Variants in EHMT1 observed in about 807,000 individuals in gnomAD.
The protein encoded by EHMT1 is histone-lysine N-methyltransferase EHMT1.
A neutral mutation model predicts 147.2 loss-of-function variants in EHMT1; 15 were observed. The observed-to-expected ratio is 0.10, with a 90% confidence interval of 0.07 to 0.16. EHMT1 has a LOEUF of 0.16. EHMT1 is among the 10% of genes least tolerant of loss of function. The pLI is 1.00. For missense variants in EHMT1, 1,587 were observed against 1,772.4 expected (o/e 0.90, Z 1.88); for synonymous variants, 795 against 709.6 (o/e 1.12, Z -1.91).
chr9:137,625,336 A>AT lies in EHMT1; in HGVS notation c.21+6289dup, dbSNP rs532746511. ...GCCTAAGTAGCTGTGAAATCTGAAG[A>AT]TTGACACCCTTTCATTATAGGAGGT... is the stretch of plus-strand genomic sequence containing the variant. On this transcript the variant is annotated intron_variant, in intron 1 of 26. Transcript: ENST00000460843. Among the ~76,000 whole-genome samples, 56 of 152,198 alleles carry AT rather than the reference A, an allele frequency of 3.7e-4. No homozygotes were observed. The East Asian group carries it at 9.1e-3, about 25-fold the overall frequency.
At position 137,828,628 on chromosome 9, in the gene EHMT1, C is replaced by T. The variant is rs1955985381; in HGVS notation, c.3541-5721C>T. Among the ~76,000 whole-genome samples the T allele has an allele frequency of 6.6e-6, 1 of 152,170 alleles. No individual in the cohort carries two copies. Among genetic ancestry groups the T allele is most frequent in the African/African-American group, 2.4e-5 (1 of 41,430 alleles). On this transcript the variant is annotated intron_variant, in intron 25 of 26. Coordinates refer to ENST00000460843, the MANE Select transcript of EHMT1 (RefSeq NM_024757.5). The surrounding 1 kb of genome is among the most constrained non-coding windows in gnomAD (Gnocchi z 5.3). Reference sequence around the variant, plus strand: ...GTCTCCCGGGCAGCCACAGATCCCACACTCACGGCCCAAGTGACGCTTGGT... The same window carrying T: ...GTCTCCCGGGCAGCCACAGATCCCATACTCACGGCCCAAGTGACGCTTGGT...
rs777993644 is a variant in EHMT1 at position 137,834,533 on chromosome 9, C to T, written c.3716+9C>T. 3.0e-5 allele frequency: 48 copies of T among 1,608,984 alleles called. 2 individuals are homozygous for T. Among genetic ancestry groups the T allele is most frequent in the South Asian group, 6.6e-5 (6 of 91,030 alleles). Reference sequence around the variant, plus strand: ...GCCGGCGAGCAGCTCGGGTACGCACCGCCCCGGCCCCTGGCCATCTCCGCT... The same window carrying T: ...GCCGGCGAGCAGCTCGGGTACGCACTGCCCCGGCCCCTGGCCATCTCCGCT... On this transcript the variant is annotated intron_variant, in intron 26 of 26. Transcript: ENST00000460843.
At chr9:137,770,458 T>C (rs1182656574) in intron 10 of EHMT1, among the ~76,000 whole-genome samples, 1 of 152,256 alleles carries the variant, frequency 6.6e-6, no homozygotes, top group Non-Finnish European at 1.5e-5. Flanking sequence ...TTCTCTCTCT[T>C]GACAGTGGGT....
chr9:137,721,481 C>A (rs1398942594), intron 3 of EHMT1, among the ~76,000 whole-genome samples: 18 of 70,456 alleles, frequency 2.6e-4, no homozygotes, highest in South Asian at 7.3e-4. Context: ...TCACCCTCTC[C>A]CACGCCTCTC....
chr9:137,654,399 A>G (rs1370403578), intron 1 of EHMT1, among the ~76,000 whole-genome samples: 1 of 142,512 alleles, frequency 7.0e-6, no homozygotes, highest in East Asian at 2.3e-4. Flanking sequence ...CACCAAAAAA[A>G]AAAGAGAAAA....
intron 1 of EHMT1, among the ~76,000 whole-genome samples, chr9:137,651,430 G>A (rs748639716): frequency 6.6e-5 from 10 of 152,048 alleles, no homozygotes; most frequent in Non-Finnish European, 1.5e-4. Context: ...ATAGTCACAG[G>A]CCACATAATG....
chr9:137,752,221 C>T (rs763737811), intron 6 of EHMT1, 110 bp from the exon 7 acceptor site: 95 of 1,305,090 alleles, frequency 7.3e-5, no homozygotes, highest in Admixed American at 7.3e-4. Context: ...CCGGCGTGTG[C>T]GGCCAGTGCC....
chr9:137,716,811 A>C lies in EHMT1; in HGVS notation c.271A>C (p.Ile91Leu). 2 of 1,613,330 alleles carry C rather than the reference A, an allele frequency of 1.2e-6. No homozygotes were observed. Among genetic ancestry groups the C allele is most frequent in the African/African-American group, 2.7e-5 (2 of 74,998 alleles). Residue 91 changes from isoleucine to leucine, a missense_variant, in exon 3 of 27, where the codon ATA becomes CTA. Physicochemically the swap from Ile to Leu is conservative, Grantham distance 5. Transcript: ENST00000460843. ...GGATGGCACCAACACACTAACTCGGATAGCGGAAAATGGGGTTTCAGAAAG... is the reference window on the plus strand; with the variant it reads ...GGATGGCACCAACACACTAACTCGGCTAGCGGAAAATGGGGTTTCAGAAAG... ...PQDGTNTLTR[I>L]AENGVSERDS... is the part of the protein sequence containing the mutation.
At chr9:137,672,264 G>A (rs916495093) in intron 1 of EHMT1, among the ~76,000 whole-genome samples, 5 of 152,100 alleles carry the variant, frequency 3.3e-5, no homozygotes, top group Non-Finnish European at 5.9e-5. Flanking sequence ...TTATGTTAAC[G>A]CGTAGTAGGT....
intron 1 of EHMT1, chr9:137,641,072 C>T (rs905079389): frequency 4.4e-5 from 11 of 249,286 alleles, no homozygotes; most frequent in African/African-American, 2.5e-4. Context: ...TTCGTCTTCT[C>T]CTTCTTTATC....
At chr9:137,810,192 C>T (rs1331653003) in intron 18 of EHMT1, among the ~76,000 whole-genome samples, 118 of 123,868 alleles carry the variant, frequency 9.5e-4, no homozygotes, top group African/African-American at 2.6e-3. Flanking sequence ...GATGCCGCCC[C>T]GTGTGGACCG....
Position 137,775,177 on chromosome 9 carries a change from C to T in EHMT1, c.1716C>T (p.Leu572=), listed in dbSNP as rs775845365. 6.8e-6 allele frequency: 11 copies of T among 1,613,906 alleles called. No individual in the cohort carries two copies. The highest frequency in any genetic ancestry group is 1.3e-5 in the African/African-American group (1 of 75,020). The change falls in exon 11 of 27, where the codon CTC becomes CTT. Residue 572 remains leucine (L), a synonymous_variant. Transcript: ENST00000460843. This position sits in a 1 kb window ranked among gnomAD's most constrained non-coding sequence, Gnocchi z 6.1. ...LMRPSNKAPL[L]VLCEDHRGRM... ...GCCCCTCCAACAAGGCCCCGCTCCT[C>T]GTGCTGTGTGAAGACCACCGGGGCC...
intron 14 of EHMT1, among the ~76,000 whole-genome samples, chr9:137,780,521 GGATGTGTGGTGATGACGCTGA>G: frequency 8.8e-6 from 1 of 114,208 alleles, no homozygotes; most frequent in East Asian, 2.9e-4. Context: ...GATGACGCTG[GGATGTGTGGTGATGACGCTGA>G]GATGTGTGGT....
chr9:137,823,415 A>ATTT, intron 25 of EHMT1: 3 of 327,358 alleles, frequency 9.2e-6, no homozygotes, highest in Admixed American at 3.6e-5. Flanking sequence ...CGCCTGGGTA[A>ATTT]TTTTTTTTTT....
chr9:137,726,214 C>T (rs529844550), intron 3 of EHMT1, among the ~76,000 whole-genome samples: 9 of 152,310 alleles, frequency 5.9e-5, no homozygotes, highest in African/African-American at 1.2e-4. Context: ...CGCCACCCTC[C>T]GTCTCTGGAA....
intron 2 of EHMT1, among the ~76,000 whole-genome samples, chr9:137,711,960 C>G (rs900921654): frequency 1.3e-5 from 2 of 152,174 alleles, no homozygotes; most frequent in Non-Finnish European, 2.9e-5. Context: ...CTCCTTTCAC[C>G]CTAGATGGCC....
chr9:137,697,267 T>A (rs1209884618), intron 1 of EHMT1: 1 of 216,788 alleles, frequency 4.6e-6, no homozygotes, highest in Non-Finnish European at 9.9e-6. Flanking sequence ...GATGACAGAG[T>A]TTGTCTGTTT....
intron 4 of EHMT1, among the ~76,000 whole-genome samples, chr9:137,729,359 C>T (rs922261407): frequency 3.3e-5 from 5 of 152,246 alleles, no homozygotes; most frequent in Non-Finnish European, 4.4e-5. Flanking sequence ...GAGGCCAAGG[C>T]GGGTGGATCA....
intron 4 of EHMT1, chr9:137,743,161 A>G (rs1948251308): frequency 3.5e-6 from 2 of 566,450 alleles, no homozygotes; most frequent in Non-Finnish European, 6.2e-6. Flanking sequence ...CAGATGATCC[A>G]GGACGTGTTT....
Sources: gnomAD v4.1 joint callset for allele counts (sites outside exome capture counted in the v4.1 genomes callset) on GRCh38, gnomAD v4.1.1 for gene constraint, Gnocchi (gnomAD v3.1) non-coding constraint, MANE v1.5 for transcripts, NCBI Gene and HGNC (gene_info 2026-07-23, HGNC 2026-07-21) for gene names.